LRP1B: variants seen among roughly 807,000 people sequenced by gnomAD.
The protein encoded by LRP1B is low-density lipoprotein receptor-related protein 1B.
Under a neutral mutation model 556.6 loss-of-function variants are expected in LRP1B, and 217 were observed. The ratio of observed to expected loss-of-function variants is 0.39; its 90% CI spans 0.35 to 0.44. The LOEUF (loss-of-function observed/expected upper bound fraction) is 0.44, where lower values mean the gene tolerates loss of function less well. Among genes scored for constraint, LRP1B ranks in the 20% least tolerant of loss-of-function variants. LRP1B has a pLI of 1.00. For missense variants in LRP1B, 5,053 were observed against 5,620.8 expected, an observed-to-expected ratio of 0.90 and a Z score of 3.23; for synonymous variants, 2,047 against 1,865.8, an observed-to-expected ratio of 1.10 and a Z score of -2.50.
intron 5 of LRP1B, among the ~76,000 whole-genome samples, chr2:141,232,548 T>C (rs1683511038): frequency 6.6e-6 from 1 of 152,206 alleles, no homozygotes; most frequent in Non-Finnish European, 1.5e-5. Context: ...GAAACTGAGA[T>C]GCAAATGGGT....
intron 90 of LRP1B, among the ~76,000 whole-genome samples, 181 bp from the exon 91 acceptor site, chr2:140,233,507 G>T (rs1680563353): frequency 1.3e-5 from 2 of 151,156 alleles, no homozygotes; most frequent in South Asian, 4.2e-4. Context: ...CTCAACTCAA[G>T]CATGGTATTA....
At chr2:141,745,342 A>G (rs1311317456) in intron 2 of LRP1B, among the ~76,000 whole-genome samples, 1 of 152,082 alleles carries the variant, frequency 6.6e-6, no homozygotes, top group African/African-American at 2.4e-5. Context: ...AATATTAGAA[A>G]TCTACCGGCA....
intron 35 of LRP1B, among the ~76,000 whole-genome samples, chr2:140,766,460 C>A (rs920528003): frequency 6.6e-6 from 1 of 151,926 alleles, no homozygotes; most frequent in Admixed American, 6.6e-5. Flanking sequence ...ACAAGTTATG[C>A]AAAAAGGCAG....
intron 43 of LRP1B, among the ~76,000 whole-genome samples, chr2:140,577,604 A>G (rs1020956251): frequency 1.3e-5 from 2 of 151,794 alleles, no homozygotes; most frequent in African/African-American, 4.8e-5. Flanking sequence ...TCAGTTTTGC[A>G]GAAACAGAGT....
At chr2:140,467,077 C>A (rs1022187560) in intron 60 of LRP1B, among the ~76,000 whole-genome samples, 9 of 151,928 alleles carry the variant, frequency 5.9e-5, no homozygotes, top group Admixed American at 1.3e-4. Flanking sequence ...TAAAATTTTT[C>A]TCAGGAGATA....
At chr2:141,080,304 T>C (rs989494297) in intron 7 of LRP1B, among the ~76,000 whole-genome samples, 17 of 152,334 alleles carry the variant, frequency 1.1e-4, no homozygotes, top group African/African-American at 4.1e-4. Context: ...TTCTGCTGTC[T>C]GGTATTCCTA....
At chr2:141,154,238 C>A (rs564102793) in intron 7 of LRP1B, among the ~76,000 whole-genome samples, 88 of 151,922 alleles carry the variant, frequency 5.8e-4, no homozygotes, top group Non-Finnish European at 2.8e-4. Context: ...TCATGCAAGT[C>A]AACAATAAAC....
chr2:140,517,450 TG>T (rs1409550073), intron 49 of LRP1B, among the ~76,000 whole-genome samples: 1 of 152,126 alleles, frequency 6.6e-6, no homozygotes, highest in African/African-American at 2.4e-5. Context: ...GTATCTTTGC[TG>T]GAAAAGTGTG....
rs1355726458 is a variant in LRP1B at position 141,013,769 on chromosome 2, A to G, written c.2191-24T>C. ...ATCTGTAAAATATAAACACATTGTG[A>G]AAAATCAGAACTGACCTTTAGAAAC... On this transcript the variant is annotated intron_variant, in intron 13 of 90. Transcript: ENST00000389484. The G allele has an allele frequency of 6.3e-6, 9 of 1,419,800 alleles. No individual in the cohort carries two copies. The Admixed American group carries it at 2.2e-4, about 34-fold the overall frequency. The allele number at this position is 1,419,800 out of a possible 1,614,324, so 88.0% of individuals were successfully genotyped here. A position where few individuals can be genotyped will look rare whatever the true frequency, so the allele number is the denominator to read the frequency against.
intron 18 of LRP1B, among the ~76,000 whole-genome samples, chr2:140,969,402 A>G (rs1245943724): frequency 2.0e-5 from 3 of 151,714 alleles, no homozygotes; most frequent in Non-Finnish European, 4.4e-5. Context: ...CCATCCCTTT[A>G]TTTTGAGCCT....
chr2:140,467,612 CAAAAAA>C lies in LRP1B; in HGVS notation c.9625+7520_9625+7525del, dbSNP rs36060070. ...TGGGGGACAGAGGGAAACTCCATCT[CAAAAAA>C]AAAAAAAAAAAAAAAGTCTTAAAAG... On this transcript the variant is annotated intron_variant, in intron 60 of 90. Coordinates refer to ENST00000389484, the MANE Select transcript of LRP1B (RefSeq NM_018557.3). 5.5e-4 allele frequency among the ~76,000 whole-genome samples: 47 copies of C among 85,934 alleles called. 2 individuals are homozygous for C. The highest frequency in any genetic ancestry group is 1.8e-3 in the African/African-American group (44 of 23,812). The allele number at this position is 85,934 out of a possible 152,430, so 56.4% of individuals were successfully genotyped here. A position where few individuals can be genotyped will look rare whatever the true frequency, so the allele number is the denominator to read the frequency against.
intron 18 of LRP1B, among the ~76,000 whole-genome samples, chr2:140,971,288 T>C (rs1696415368): frequency 6.6e-6 from 1 of 152,020 alleles, no homozygotes; most frequent in Non-Finnish European, 1.5e-5. Context: ...GAGGTTGAAG[T>C]TATGTTGCCC....
chr2:142,017,037 G>C (rs1703170082), intron 1 of LRP1B, among the ~76,000 whole-genome samples: 1 of 151,776 alleles, frequency 6.6e-6, no homozygotes. Context: ...TGAAGGGAAA[G>C]CAAGAAAGCT....
At chr2:141,696,454 T>C (rs1431372447) in intron 2 of LRP1B, among the ~76,000 whole-genome samples, 1 of 152,060 alleles carries the variant, frequency 6.6e-6, no homozygotes, top group East Asian at 1.9e-4. Context: ...TTTAAACTTA[T>C]ATTTACATTG....
At chr2:140,671,394 G>A (rs1465505954) in intron 41 of LRP1B, among the ~76,000 whole-genome samples, 1 of 152,116 alleles carries the variant, frequency 6.6e-6, no homozygotes, top group Non-Finnish European at 1.5e-5. Context: ...GATGGCGGGC[G>A]CCTGTAGTAC....
intron 1 of LRP1B, among the ~76,000 whole-genome samples, chr2:141,879,392 A>G (rs1334394880): frequency 6.6e-6 from 1 of 151,976 alleles, no homozygotes; most frequent in African/African-American, 2.4e-5. Flanking sequence ...CTAGGAAAAT[A>G]TGAGCCTAAT....
chr2:140,823,672 C>T (rs1412783752), intron 31 of LRP1B, among the ~76,000 whole-genome samples: 3 of 151,482 alleles, frequency 2.0e-5, no homozygotes, highest in African/African-American at 7.3e-5. Context: ...CCTTATGAAA[C>T]AACTTTGATT....
At chr2:140,263,155 G>T (rs149832476) in intron 86 of LRP1B, among the ~76,000 whole-genome samples, 227 of 152,214 alleles carry the variant, frequency 1.5e-3, no homozygotes, top group Non-Finnish European at 2.3e-3. Flanking sequence ...CTGAGCTCAA[G>T]TGATCCACCT....
intron 75 of LRP1B, among the ~76,000 whole-genome samples, chr2:140,355,453 T>C (rs965756815): frequency 9.9e-5 from 15 of 151,994 alleles, no homozygotes; most frequent in African/African-American, 3.1e-4. Flanking sequence ...TAACTCAAAA[T>C]GTAGATAAAC....
Sources: gnomAD v4.1 joint callset for allele counts (sites outside exome capture counted in the v4.1 genomes callset) on GRCh38, gnomAD v4.1.1 for gene constraint, MANE v1.5 for transcripts, NCBI Gene and HGNC (gene_info 2026-07-23, HGNC 2026-07-21) for gene names.